MED15: variants seen among roughly 807,000 people sequenced by gnomAD.
MED15 encodes mediator of RNA polymerase II transcription subunit 15.
MED15 carries 41 observed loss-of-function variants against 118.7 expected under a neutral mutation model. The observed-to-expected ratio is 0.35, with a 90% CI of 0.27 to 0.45. MED15 has a LOEUF of 0.45. Among genes scored for constraint, MED15 ranks in the 20% least tolerant of loss-of-function variants. The probability of loss-of-function intolerance (pLI) is 1.00; values close to 1 mark genes in which losing one functional copy is unlikely to be tolerated. For synonymous variants in MED15, 436 were observed against 413.9 expected, an observed-to-expected ratio of 1.05 and a Z score of -0.65; for missense variants, 740 against 1,025.5, an observed-to-expected ratio of 0.72 and a Z score of 3.80.
chr22:20,545,733 G>A (rs1037411705), intron 2 of MED15, among the ~76,000 whole-genome samples: 2 of 152,058 alleles, frequency 1.3e-5, no homozygotes, highest in African/African-American at 4.8e-5. Context: ...GTCCCTACTT[G>A]GTTTCTGATG....
intron 2 of MED15, among the ~76,000 whole-genome samples, chr22:20,540,737 C>T (rs140548641): frequency 1.3e-5 from 2 of 152,120 alleles, no homozygotes; most frequent in Non-Finnish European, 2.9e-5. Flanking sequence ...CTACAAAAAA[C>T]GTAGATAAAT....
At chr22:20,548,130 A>G (rs1253189659) in intron 2 of MED15, among the ~76,000 whole-genome samples, 1 of 152,014 alleles carries the variant, frequency 6.6e-6, no homozygotes, top group Non-Finnish European at 1.5e-5. Flanking sequence ...AGACTGTGCC[A>G]CTGTGCCTAG....
At chr22:20,576,028 C>T (rs2056815005) in intron 9 of MED15, among the ~76,000 whole-genome samples, 1 of 152,046 alleles carries the variant, frequency 6.6e-6, no homozygotes, top group Non-Finnish European at 1.5e-5. Context: ...GTACATTATG[C>T]TTTTCAGAGA....
At position 20,580,934 on chromosome 22, in the gene MED15, G is replaced by A. The variant is rs557906750; in HGVS notation, c.1273-1677G>A. 5.3e-5 allele frequency among the ~76,000 whole-genome samples: 8 copies of A among 152,200 alleles called. No homozygotes were observed. The South Asian group carries it at 1.2e-3, about 24-fold the overall frequency. On this transcript the variant is annotated intron_variant, in intron 9 of 17. Coordinates refer to ENST00000263205, the MANE Select transcript of MED15 (RefSeq NM_001003891.3). ...TCCATTAGGTAGAGTGATGAGGCCCGGCAGGCCGAGGCTGGGGCTCCTGCA... is the reference window on the plus strand; with the variant it reads ...TCCATTAGGTAGAGTGATGAGGCCCAGCAGGCCGAGGCTGGGGCTCCTGCA...
At chr22:20,520,719 ATC>A (rs2054416261) in intron 1 of MED15, among the ~76,000 whole-genome samples, 1 of 152,004 alleles carries the variant, frequency 6.6e-6, no homozygotes, top group South Asian at 2.1e-4. Flanking sequence ...GACATTTGGA[ATC>A]TCTGTGCAAT....
intron 1 of MED15, among the ~76,000 whole-genome samples, chr22:20,525,696 C>G (rs1373061374): frequency 2.0e-5 from 3 of 151,772 alleles, no homozygotes; most frequent in African/African-American, 7.3e-5. Flanking sequence ...ACCACCACGC[C>G]TGGCTAATTT....
rs748745732 is a variant in MED15 at position 20,585,687 on chromosome 22, G to C, written c.2132-41G>C. The C allele has an allele frequency of 2.0e-5, 31 of 1,585,762 alleles. No homozygotes were observed. In the South Asian group the frequency reaches 3.4e-4, roughly 18 times the overall value. ...GCAGGGCTGTGAGGCAGGGCAGGCC[G>C]GGGCTTGTCCAGGTCACAGATAGAG... On this transcript the variant is annotated intron_variant, in intron 16 of 17. Transcript: ENST00000263205.
chr22:20,534,661 T>C (rs1480893528), intron 1 of MED15, among the ~76,000 whole-genome samples: 1 of 152,206 alleles, frequency 6.6e-6, no homozygotes, highest in African/African-American at 2.4e-5. Flanking sequence ...AAATGCTCAC[T>C]GACTTCTTGG....
intron 2 of MED15, among the ~76,000 whole-genome samples, chr22:20,542,755 T>A (rs1161448116): frequency 6.6e-6 from 1 of 152,240 alleles, no homozygotes; most frequent in Non-Finnish European, 1.5e-5. Flanking sequence ...TGGCAGTGTT[T>A]CTGCTGGTAG....
chr22:20,532,793 A>C (rs5995708), intron 1 of MED15, among the ~76,000 whole-genome samples: 2 of 151,996 alleles, frequency 1.3e-5, no homozygotes, highest in East Asian at 3.9e-4. Flanking sequence ...GACAGCCATC[A>C]AGGGTCTTCC....
intron 1 of MED15, among the ~76,000 whole-genome samples, chr22:20,512,129 C>CA (rs2054092385): frequency 6.6e-6 from 1 of 151,642 alleles, no homozygotes; most frequent in South Asian, 2.1e-4. Context: ...GCTGGGACTA[C>CA]AGGCACACAC....
Position 20,582,735 on chromosome 22 carries a change from A to G in MED15, c.1397A>G (p.Asn466Ser). 1.9e-6 allele frequency: 3 copies of G among 1,589,668 alleles called. No homozygotes were observed. Among genetic ancestry groups the G allele is most frequent in the East Asian group, 2.3e-5 (1 of 44,444 alleles). Residue 466 changes from asparagine (N) to serine (S), a missense_variant, in exon 10 of 18, where the codon AAC (asparagine) becomes AGC (serine). Transcript: ENST00000263205. ...CCCGGCCAGCCCAGCTCACAGCCCA[A>G]CTCCAACGTCAGGTAGGCCTGGCCT... The part of the protein sequence containing the change: ...PQPGQPSSQP[N>S]SNVSSGPAPS...
At chr22:20,570,252 T>C (rs902749240) in intron 8 of MED15, among the ~76,000 whole-genome samples, 8 of 151,986 alleles carry the variant, frequency 5.3e-5, no homozygotes, top group African/African-American at 1.5e-4. Context: ...CTCCATCTCT[T>C]GACCTCGTGA....
intron 1 of MED15, among the ~76,000 whole-genome samples, chr22:20,511,940 C>G (rs1371531678): frequency 1.3e-5 from 2 of 149,784 alleles, no homozygotes; most frequent in Admixed American, 1.3e-4. Context: ...CTCCTACCCC[C>G]ACCGTGTTCT....
In MED15 at chr22:20,563,775, C is replaced by T. The variant is rs145550222; in HGVS notation, c.452-675C>T. 1.7e-3 allele frequency among the ~76,000 whole-genome samples: 264 copies of T among 152,292 alleles called. 1 individual carries two copies. The highest frequency in any genetic ancestry group is 6.1e-3 in the African/African-American group (254 of 41,566). On this transcript the variant is annotated intron_variant, in intron 5 of 17. Transcript: ENST00000263205. ...TACAGCTTTATTGAGACATAATTCT[C>T]ATTAGCATACAATTCACCCATCTGA...
intron 17 of MED15, 136 bp downstream of exon 17, chr22:20,585,962 TC>T (rs1049826303): frequency 1.3e-6 from 1 of 778,086 alleles, no homozygotes; most frequent in African/African-American, 1.7e-5. Context: ...CCTCCCCTCT[TC>T]TGGCTCCTCC....
chr22:20,579,630 T>A (rs1399308734), intron 9 of MED15, among the ~76,000 whole-genome samples: 1 of 152,114 alleles, frequency 6.6e-6, no homozygotes, highest in Non-Finnish European at 1.5e-5. Flanking sequence ...TCCCACCTCC[T>A]CTCTGGCCCA....
In MED15 at chr22:20,556,673, C is replaced by G. The variant is rs570257; in HGVS notation, c.451+1525C>G. Among the ~76,000 whole-genome samples, 938 of 151,478 alleles carry G rather than the reference C, an allele frequency of 6.2e-3. 10 individuals carry two copies. Among genetic ancestry groups the G allele is most frequent in the African/African-American group, 0.022 (892 of 41,234 alleles). On this transcript the variant is annotated intron_variant, in intron 5 of 17. Transcript: ENST00000263205. Reference sequence around the variant, plus strand: ...TGTGTAGGTCTGTGAGATTTTACCACGTGTCAAATCAAGTAGCCATCACCA... The same window carrying G: ...TGTGTAGGTCTGTGAGATTTTACCAGGTGTCAAATCAAGTAGCCATCACCA...
intron 5 of MED15, among the ~76,000 whole-genome samples, chr22:20,555,634 G>T (rs768661015): frequency 6.6e-6 from 1 of 152,214 alleles, no homozygotes; most frequent in Non-Finnish European, 1.5e-5. Context: ...TCTCCACACG[G>T]CTGCTGTGGT....
Sources: gnomAD v4.1 joint callset for allele counts (sites outside exome capture counted in the v4.1 genomes callset) on GRCh38, gnomAD v4.1.1 for gene constraint, MANE v1.5 for transcripts, NCBI Gene and HGNC (gene_info 2026-07-23, HGNC 2026-07-21) for gene names.